Variants in HMCN1 observed in about 807,000 individuals in gnomAD.
HMCN1 encodes hemicentin 1, also known as hemicentin-1.
In HMCN1, 321 loss-of-function variants were observed where a neutral mutation model predicts 625.9. That is an observed-to-expected ratio of 0.51 (90% confidence interval 0.47 to 0.56). The LOEUF (loss-of-function observed/expected upper bound fraction) is 0.56, where lower values mean the gene tolerates loss of function less well. Among genes scored for constraint, HMCN1 ranks in the 20% least tolerant of loss-of-function variants. The pLI is 0.00. For missense variants in HMCN1, 6,588 were observed against 6,887.3 expected, an observed-to-expected ratio of 0.96 and a Z score of 1.54; for synonymous variants, 2,425 against 2,417.6, an observed-to-expected ratio of 1.00 and a Z score of -0.09.
intron 89 of HMCN1, among the ~76,000 whole-genome samples, chr1:186,142,747 T>TA (rs917960661): frequency 1.3e-5 from 2 of 152,080 alleles, no homozygotes; most frequent in Non-Finnish European, 1.5e-5. Context: ...AAAATAAAAA[T>TA]AAAAAAGTCT....
At chr1:186,117,894 T>C (rs868091241) in intron 77 of HMCN1, among the ~76,000 whole-genome samples, 3 of 152,162 alleles carry the variant, frequency 2.0e-5, no homozygotes, top group South Asian at 2.1e-4. Context: ...TATGTGTATA[T>C]TTACCAAACC....
chr1:185,934,830 C>T (rs573198237), intron 11 of HMCN1, among the ~76,000 whole-genome samples: 1 of 152,008 alleles, frequency 6.6e-6, no homozygotes, highest in Non-Finnish European at 1.5e-5. Flanking sequence ...AGTTTCAAGG[C>T]TAAATCTTAG....
intron 49 of HMCN1, among the ~76,000 whole-genome samples, chr1:186,065,668 A>G (rs1009157713): frequency 6.6e-6 from 1 of 152,224 alleles, no homozygotes; most frequent in Non-Finnish European, 1.5e-5. Context: ...TCTGAATAAG[A>G]TAGACTAATC....
rs1460044658 is a variant in HMCN1 at position 186,179,276 on chromosome 1, G to C, written c.16294+510G>C. Among the ~76,000 whole-genome samples the C allele has an allele frequency of 2.0e-5, 3 of 152,230 alleles. No homozygotes were observed. The East Asian group carries it at 5.8e-4, about 29-fold the overall frequency. ...TGCTGTTTGATTATTGTGTATGTTT[G>C]TACGTCACTGAAAAGATAATATGAG... is the stretch of plus-strand genomic sequence containing the variant. On this transcript the variant is annotated intron_variant, in intron 104 of 106. Transcript: ENST00000271588.
Position 186,130,591 on chromosome 1 carries a change from G to T in HMCN1, c.13124G>T (p.Gly4375Val). ...GCAATCCTGAATTGTGAGGTGAAAG[G>T]AGACCCCACCCCAACCATCCAGTGG... ...GNAILNCEVK[G>V]DPTPTIQWNR... Residue 4375 changes from glycine to valine, a missense_variant, in exon 85 of 107, where the codon GGA (glycine) becomes GTA (valine). Physicochemically the swap from Gly to Val is moderately radical, Grantham distance 109 (BLOSUM62 -3). This residue lies in a region of HMCN1 where 1,954 missense variants were observed against 2,013.1 expected (regional missense o/e 0.97). Coordinates refer to ENST00000271588, the MANE Select transcript of HMCN1 (RefSeq NM_031935.3). 6 of 1,613,526 alleles carry T rather than the reference G, an allele frequency of 3.7e-6. No homozygotes were observed. Among genetic ancestry groups the T allele is most frequent in the Non-Finnish European group, 5.1e-6 (6 of 1,179,620 alleles).
At chr1:185,738,723 CTAT>C (rs1175560753) in intron 1 of HMCN1, among the ~76,000 whole-genome samples, 1 of 152,158 alleles carries the variant, frequency 6.6e-6, no homozygotes, top group Admixed American at 6.5e-5. Flanking sequence ...CAATACACTA[CTAT>C]TATTATTATT....
intron 42 of HMCN1, among the ~76,000 whole-genome samples, chr1:186,051,606 C>G (rs1414477980): frequency 4.6e-5 from 7 of 152,012 alleles, no homozygotes; most frequent in Non-Finnish European, 1.5e-5. Flanking sequence ...GTGTCATTTT[C>G]TTCTGGAACT....
chr1:186,003,595 G>T (rs1294937184), intron 28 of HMCN1, 123 bp from the exon 29 acceptor site: 2 of 859,768 alleles, frequency 2.3e-6, no homozygotes, highest in Non-Finnish European at 4.0e-6. Context: ...TTGTTGTGTG[G>T]TATTTTATTT....
At chr1:185,974,024 T>C (rs542250020) in intron 15 of HMCN1, among the ~76,000 whole-genome samples, 1 of 152,336 alleles carries the variant, frequency 6.6e-6, no homozygotes, top group South Asian at 2.1e-4. Flanking sequence ...GGAATAATTT[T>C]TGCAGCAAGA....
At chr1:186,061,433 C>T (rs948767736) in intron 46 of HMCN1, among the ~76,000 whole-genome samples, 3 of 152,070 alleles carry the variant, frequency 2.0e-5, no homozygotes, top group Admixed American at 2.0e-4. Context: ...CCACCAGGTC[C>T]CTCCCTTGAC....
intron 11 of HMCN1, among the ~76,000 whole-genome samples, chr1:185,960,029 T>C (rs1005421710): frequency 6.6e-6 from 1 of 152,188 alleles, no homozygotes; most frequent in African/African-American, 2.4e-5. Flanking sequence ...GTCTAATTCA[T>C]TTTGACCATT....
At chr1:186,186,585 G>T (rs1404425183) in intron 105 of HMCN1, among the ~76,000 whole-genome samples, 1 of 152,058 alleles carries the variant, frequency 6.6e-6, no homozygotes, top group Non-Finnish European at 1.5e-5. Flanking sequence ...ATAAAATAAG[G>T]CCTGCCAGCC....
In HMCN1 at chr1:185,867,800, G is replaced by A. The variant is rs561209730; in HGVS notation, c.621+1937G>A. Among the ~76,000 whole-genome samples, 3 of 152,332 alleles carry A rather than the reference G, an allele frequency of 2.0e-5. No individual in the cohort carries two copies. In the South Asian group the frequency reaches 6.2e-4, roughly 32 times the overall value. ...AGATTCCCAAAACAGGCTGAGCGCA[G>A]TGGCTCACGCCTGTAATCACAGCAC... On this transcript the variant is annotated intron_variant, in intron 4 of 106. Coordinates refer to ENST00000271588, the MANE Select transcript of HMCN1 (RefSeq NM_031935.3).
At chr1:186,111,273 G>A (rs539375997) in intron 71 of HMCN1, among the ~76,000 whole-genome samples, 22 of 152,094 alleles carry the variant, frequency 1.4e-4, no homozygotes, top group African/African-American at 5.1e-4. Flanking sequence ...GAGCCACCGC[G>A]CCCGGCCAAA....
At chr1:185,903,333 A>G (rs1364800751) in intron 4 of HMCN1, among the ~76,000 whole-genome samples, 3 of 151,776 alleles carry the variant, frequency 2.0e-5, no homozygotes, top group Non-Finnish European at 4.4e-5. Context: ...TCTTTTCACT[A>G]ATCCCCTCTA....
intron 1 of HMCN1, among the ~76,000 whole-genome samples, chr1:185,771,239 A>T (rs1306780408): frequency 6.6e-6 from 1 of 152,222 alleles, no homozygotes; most frequent in African/African-American, 2.4e-5. Context: ...AGGCTAATGC[A>T]ATTAAGATTC....
At chr1:185,851,470 T>C (rs1314636566) in intron 2 of HMCN1, among the ~76,000 whole-genome samples, 1 of 152,118 alleles carries the variant, frequency 6.6e-6, no homozygotes, top group Non-Finnish European at 1.5e-5. Flanking sequence ...TTACACTTAA[T>C]TTATTAAATT....
chr1:185,746,378 C>T (rs1654395628), intron 1 of HMCN1, among the ~76,000 whole-genome samples: 1 of 152,144 alleles, frequency 6.6e-6, no homozygotes, highest in South Asian at 2.1e-4. Context: ...GTGACTTAAA[C>T]AATAGAAATT....
At chr1:185,842,238 G>A (rs1661518299) in intron 1 of HMCN1, among the ~76,000 whole-genome samples, 1 of 152,108 alleles carries the variant, frequency 6.6e-6, no homozygotes, top group Non-Finnish European at 1.5e-5. Context: ...GCAAATAGTA[G>A]GTGTTCAACG....
Sources: gnomAD v4.1 joint callset for allele counts (sites outside exome capture counted in the v4.1 genomes callset) on GRCh38, gnomAD v4.1.1 for gene constraint, gnomAD v4.1.1 regional missense constraint, MANE v1.5 for transcripts, NCBI Gene and HGNC (gene_info 2026-07-23, HGNC 2026-07-21) for gene names.